Variants in PITPNM2 observed in about 807,000 individuals in gnomAD.
PITPNM2 encodes the protein phosphatidylinositol transfer protein membrane associated 2, also known as membrane-associated phosphatidylinositol transfer protein 2.
In PITPNM2, 35 loss-of-function variants were observed where a neutral mutation model predicts 132.2. The observed-to-expected ratio is 0.26, with a 90% CI of 0.20 to 0.35. The LOEUF (loss-of-function observed/expected upper bound fraction) is 0.35. PITPNM2 is among the 10% of genes least tolerant of loss of function. The pLI is 1.00. For synonymous variants in PITPNM2, 738 were observed against 799.2 expected, an observed-to-expected ratio of 0.92 and a Z score of 1.29; for missense variants, 1,332 against 1,912.0, an observed-to-expected ratio of 0.70 and a Z score of 5.66.
intron 1 of PITPNM2, among the ~76,000 whole-genome samples, chr12:123,114,314 G>T (rs1460679201): frequency 6.6e-6 from 1 of 151,692 alleles, no homozygotes; most frequent in Non-Finnish European, 1.5e-5. Flanking sequence ...ATGGTTAGAG[G>T]GTGAGAGTAA....
At chr12:123,091,207 G>A (rs190098475) in intron 2 of PITPNM2, 17 of 152,326 alleles carry the variant, frequency 1.1e-4, no homozygotes, top group African/African-American at 3.8e-4. Context: ...CAGGATTGCC[G>A]TCCTGCAGCC....
intron 1 of PITPNM2, among the ~76,000 whole-genome samples, chr12:123,142,417 C>T (rs1043178908): frequency 6.6e-6 from 1 of 152,216 alleles, no homozygotes; most frequent in African/African-American, 2.4e-5. Context: ...AATGAAGTCT[C>T]GAGTGATGCA....
intron 1 of PITPNM2, among the ~76,000 whole-genome samples, chr12:123,110,942 C>T (rs2042822299): frequency 6.6e-6 from 1 of 152,204 alleles, no homozygotes; most frequent in African/African-American, 2.4e-5. Context: ...GTCCTGATGC[C>T]GGGACAGGGG....
rs2037836454 is a variant in PITPNM2 at position 122,984,079 on chromosome 12, T to C, written c.*1948A>G. Reference sequence around the variant, plus strand: ...CTTGCCATCTATGGCTGAGGGCCGCTGGGAGAGCCCCAGGGGACTATTGCT... The same window carrying C: ...CTTGCCATCTATGGCTGAGGGCCGCCGGGAGAGCCCCAGGGGACTATTGCT... On this transcript the variant is annotated 3_prime_UTR_variant, in exon 26 of 26. Transcript: ENST00000320201. 6.5e-6 allele frequency: 1 copy of C among 152,706 alleles called. No individual in the cohort carries two copies. The highest frequency in any genetic ancestry group is 2.1e-4 in the South Asian group (1 of 4,840). 9.5% of individuals were successfully genotyped at this position (152,706 alleles called of 1,614,324 possible). A position where few individuals can be genotyped will look rare whatever the true frequency, so the allele number is the denominator to read the frequency against.
intron 1 of PITPNM2, among the ~76,000 whole-genome samples, chr12:123,127,767 G>A (rs1407035443): frequency 1.3e-5 from 2 of 151,964 alleles, no homozygotes; most frequent in East Asian, 1.9e-4. Context: ...CCGCCACCAC[G>A]CCTGGCTAAT....
chr12:123,146,087 T>C (rs1027017529), intron 1 of PITPNM2, among the ~76,000 whole-genome samples: 10 of 151,986 alleles, frequency 6.6e-5, no homozygotes, highest in Non-Finnish European at 7.4e-5. Context: ...TTCTTACTTA[T>C]AAGTGGGAGC....
rs11061244 is a variant in PITPNM2, at chr12:122,993,831, A to T, written c.2233+970T>A. Reference sequence around the variant, plus strand: ...CAGTGCTGAAGTCGCCAGTTTATGGAAGGGGAAGGCACTTGGGTGCTGAGT... The same window carrying T: ...CAGTGCTGAAGTCGCCAGTTTATGGTAGGGGAAGGCACTTGGGTGCTGAGT... On this transcript the variant is annotated intron_variant, in intron 15 of 25. Transcript: ENST00000320201. This position sits in a 1 kb window ranked among gnomAD's most constrained non-coding sequence, Gnocchi z 5.2. Among the ~76,000 whole-genome samples the T allele has an allele frequency of 2.5e-4, 38 of 151,908 alleles. No homozygotes were observed. The highest frequency in any genetic ancestry group is 8.2e-4 in the African/African-American group (34 of 41,436).
chr12:123,125,583 G>A (rs1383132885), intron 1 of PITPNM2, among the ~76,000 whole-genome samples: 2 of 151,940 alleles, frequency 1.3e-5, no homozygotes, highest in Non-Finnish European at 2.9e-5. Context: ...TGTGGCTCAC[G>A]CCTGTAATCC....
rs186687117 is a variant in PITPNM2, at chr12:123,022,954, C to A, written c.79-8912G>T. Among the ~76,000 whole-genome samples the A allele has an allele frequency of 3.0e-3, 461 of 152,370 alleles. 2 individuals carry two copies. The highest frequency in any genetic ancestry group is 5.4e-3 in the Non-Finnish European group (365 of 68,034). ...TCCCCAGAGCCCCGCTGGGACCAAGCAAGGCGGGCTGTGCTCTGCTTGTTC... is the reference window on the plus strand; with the variant it reads ...TCCCCAGAGCCCCGCTGGGACCAAGAAAGGCGGGCTGTGCTCTGCTTGTTC... On this transcript the variant is annotated intron_variant, in intron 3 of 25. Coordinates refer to ENST00000320201, the MANE Select transcript of PITPNM2 (RefSeq NM_020845.3). This position sits in a 1 kb window ranked among gnomAD's most constrained non-coding sequence, Gnocchi z 4.9.
chr12:123,125,906 G>A (rs187646767), intron 1 of PITPNM2, among the ~76,000 whole-genome samples: 984 of 96,828 alleles, frequency 0.01, 20 homozygotes, highest in South Asian at 0.054. Flanking sequence ...GTCTCGCACT[G>A]TCACCCAGGC....
chr12:123,102,559 A>T (rs1003257208), intron 2 of PITPNM2, among the ~76,000 whole-genome samples: 1 of 152,146 alleles, frequency 6.6e-6, no homozygotes, highest in East Asian at 1.9e-4. Context: ...CAAAAGCAAC[A>T]TCTTTTCCTC....
At position 123,012,675 on chromosome 12, in the gene PITPNM2, T is replaced by C. The variant is rs144465168; in HGVS notation, c.353A>G (p.Asp118Gly). The change falls in exon 5 of 26, where the codon GAT (aspartate) becomes GGT (glycine). Residue 118 changes from aspartate (D) to glycine (G), a missense_variant. Around this residue, in one of 6 missense-constraint regions of PITPNM2, gnomAD observed 122 missense variants for 209.6 expected, o/e 0.58. Coordinates refer to ENST00000320201, the MANE Select transcript of PITPNM2 (RefSeq NM_020845.3). ...GAACACGTCGGGGTTTTCTCCAGCATCAGTTTTATAAAAGGTTTCAATGTC... is the reference window on the plus strand; with the variant it reads ...GAACACGTCGGGGTTTTCTCCAGCACCAGTTTTATAAAAGGTTTCAATGTC... ...SIDIETFYKTDAGENPDVFNL... is the reference protein window; with the variant it reads ...SIDIETFYKTGAGENPDVFNL... The C allele has an allele frequency of 1.2e-6, 2 of 1,613,988 alleles. No individual in the cohort carries two copies. Among genetic ancestry groups the C allele is most frequent in the African/African-American group, 2.7e-5 (2 of 74,930 alleles).
Position 123,005,814 on chromosome 12 carries a change from T to G in PITPNM2, c.644-266A>C. On this transcript the variant is annotated intron_variant, in intron 6 of 25. Coordinates refer to ENST00000320201, the MANE Select transcript of PITPNM2 (RefSeq NM_020845.3). The surrounding 1 kb of genome is among the most constrained non-coding windows in gnomAD (Gnocchi z 6.2). ...CAATGTGTCCGGTCAGAAGCCACAGTTGGAAGGGCGCAGTGGCTCATGCCT... is the reference window on the plus strand; with the variant it reads ...CAATGTGTCCGGTCAGAAGCCACAGGTGGAAGGGCGCAGTGGCTCATGCCT... 3.9e-6 allele frequency: 2 copies of G among 510,684 alleles called. No individual in the cohort carries two copies. Among genetic ancestry groups the G allele is most frequent in the Admixed American group, 7.0e-5 (2 of 28,498 alleles). The allele number at this position is 510,684 out of a possible 1,614,324, so 31.6% of individuals were successfully genotyped here. A position where few individuals can be genotyped will look rare whatever the true frequency, so the allele number is the denominator to read the frequency against.
Position 123,058,242 on chromosome 12 carries a change from T to C in PITPNM2, c.-95-23557A>G, listed in dbSNP as rs1173553870. Among the ~76,000 whole-genome samples the C allele has an allele frequency of 6.6e-6, 1 of 152,140 alleles. No homozygotes were observed. Among genetic ancestry groups the C allele is most frequent in the Non-Finnish European group, 1.5e-5 (1 of 68,002 alleles). On this transcript the variant is annotated intron_variant, in intron 2 of 25. Coordinates refer to ENST00000320201, the MANE Select transcript of PITPNM2 (RefSeq NM_020845.3). The surrounding 1 kb of genome is among the most constrained non-coding windows in gnomAD (Gnocchi z 4.0). ...CAGGTCTCCGTCTCCAATGCCACCATGGGGTCCCCTCCCCAAGAATTCCAA... is the reference window on the plus strand; with the variant it reads ...CAGGTCTCCGTCTCCAATGCCACCACGGGGTCCCCTCCCCAAGAATTCCAA...
intron 1 of PITPNM2, among the ~76,000 whole-genome samples, chr12:123,142,769 G>A (rs7978832): frequency 0.028 from 4,212 of 151,998 alleles, 198 homozygotes; most frequent in African/African-American, 0.096. Flanking sequence ...CCCCTGCTCC[G>A]TGAGCCTCAC....
chr12:123,139,275 C>T (rs1379301656), intron 1 of PITPNM2, among the ~76,000 whole-genome samples: 2 of 151,888 alleles, frequency 1.3e-5, no homozygotes, highest in Admixed American at 6.6e-5. Context: ...CCGAGGCAGG[C>T]GGATCACAAG....
chr12:122,992,133 G>A lies in PITPNM2; in HGVS notation c.2404+366C>T, dbSNP rs2038217041. Among the ~76,000 whole-genome samples, 1 of 152,140 alleles carries A rather than the reference G, an allele frequency of 6.6e-6. No homozygotes were observed. The highest frequency in any genetic ancestry group is 1.9e-4 in the East Asian group (1 of 5,182). On this transcript the variant is annotated intron_variant, in intron 16 of 25. Transcript: ENST00000320201. The surrounding 1 kb of genome is among the most constrained non-coding windows in gnomAD (Gnocchi z 6.5). Reference sequence around the variant, plus strand: ...GCCATGATGGGACCCAGCCGACCCAGGCCCCCTACTAAGTGAGGGTCCCTG... The same window carrying A: ...GCCATGATGGGACCCAGCCGACCCAAGCCCCCTACTAAGTGAGGGTCCCTG...
chr12:123,130,884 T>C (rs1593031673), intron 1 of PITPNM2, among the ~76,000 whole-genome samples: 1 of 151,942 alleles, frequency 6.6e-6, no homozygotes, highest in Admixed American at 6.6e-5. Context: ...AGTCAGGAGG[T>C]GGCCAGGGTG....
At chr12:123,092,862 C>G (rs1593008280) in intron 2 of PITPNM2, 2 of 152,374 alleles carry the variant, frequency 1.3e-5, no homozygotes, top group East Asian at 3.9e-4. Flanking sequence ...CCCCTGGAGC[C>G]CCTCTGGGAA....
Sources: allele counts gnomAD v4.1 joint callset (sites outside exome capture counted in the v4.1 genomes callset), GRCh38; gene constraint gnomAD v4.1.1; regional missense constraint gnomAD v4.1.1; non-coding constraint Gnocchi (gnomAD v3.1); transcripts MANE v1.5; gene names NCBI Gene and HGNC (gene_info 2026-07-23, HGNC 2026-07-21).